The following KDM5D variants were observed in gnomAD, a reference collection of about 807,000 sequenced individuals.
KDM5D encodes lysine demethylase 5D, also known as lysine-specific demethylase 5D.
In KDM5D, 25 loss-of-function variants were observed where a neutral mutation model predicts 31.9. The observed-to-expected ratio is 0.78, with a 90% CI of 0.57 to 1.09. The LOEUF is 1.09. KDM5D is among the 50% of genes least tolerant of loss of function. KDM5D has a pLI of 0.00. For missense variants in KDM5D, 366 were observed against 341.6 expected (o/e 1.07, Z -0.56); for synonymous variants, 146 against 122.3 (o/e 1.19, Z -1.28).
chrY:19,742,151 G>T, intron 3 of KDM5D, among the ~76,000 whole-genome samples: 1 of 33,452 alleles, frequency 3.0e-5, no homozygotes, highest in Non-Finnish European at 7.4e-5. Flanking sequence ...GGCTCCAACA[G>T]TATTTAGACT....
intron 11 of KDM5D, chrY:19,723,428 T>C: frequency 1.1e-5 from 1 of 91,903 alleles, no homozygotes; most frequent in Non-Finnish European, 2.2e-5. Context: ...CAGTGAGACT[T>C]TGTCTCTAAA....
At chrY:19,722,084 A>C in intron 11 of KDM5D, 2 of 33,946 alleles carry the variant, frequency 5.9e-5, no homozygotes, top group African/African-American at 2.3e-4. Flanking sequence ...GAAACAAAAC[A>C]AACCAACAAA....
chrY:19,737,357 T>C (rs2045517954), intron 6 of KDM5D, among the ~76,000 whole-genome samples: 1 of 33,572 alleles, frequency 3.0e-5, no homozygotes, highest in Admixed American at 2.7e-4. Context: ...ACCAGTTATG[T>C]GAAAGGGATA....
At position 19,707,704 on chromosome Y, in the gene KDM5D, T is replaced by C. The variant is rs1244103713; in HGVS notation, c.3442A>G (p.Ile1148Val). 2.5e-6 allele frequency: 1 copy of C among 396,675 alleles called. No individual in the cohort carries two copies. The highest frequency in any genetic ancestry group is 3.5e-6 in the Non-Finnish European group (1 of 282,427). ...KEGEQKEKEG[I>V]LQLRRTNSAK... ...GAGTTGGTGCGACGCAGCTGCAGGA[T>C]ACCCTCCTTCTCCTTCTGTTCCCCT... The change falls in exon 24 of 27, where the codon ATC (isoleucine) becomes GTC (valine). Residue 1148 changes from isoleucine to valine, a missense_variant. Physicochemically the swap from Ile to Val is conservative, Grantham distance 29. Transcript: ENST00000317961.
Position 19,744,499 on chromosome Y carries a change from C to G in KDM5D, c.36G>C (p.Pro12=). 2.5e-6 allele frequency: 1 copy of G among 396,635 alleles called. No homozygotes were observed. Among genetic ancestry groups the G allele is most frequent in the Non-Finnish European group, 3.5e-6 (1 of 282,104 alleles). Reference sequence around the variant, plus strand: ...AGCTAGGCTCAAAAACCGGGCACTCCGGTGGCGGCAGGAACTCGTCACACC... The same window carrying G: ...AGCTAGGCTCAAAAACCGGGCACTCGGGTGGCGGCAGGAACTCGTCACACC... The part of the protein sequence containing the change: ...EPGCDEFLPP[P]ECPVFEPSWA... Residue 12 remains proline, a synonymous_variant, in exon 2 of 27, where the codon CCG becomes CCC. Transcript: ENST00000317961.
chrY:19,711,342 A>G, intron 18 of KDM5D, among the ~76,000 whole-genome samples: 1 of 33,384 alleles, frequency 3.0e-5, no homozygotes, highest in Non-Finnish European at 7.4e-5. Flanking sequence ...CCATGTTTTA[A>G]AGAGAGGCAG....
At chrY:19,741,290 G>A (rs780872247) in intron 5 of KDM5D, 28 bp downstream of exon 5, 2 of 374,312 alleles carry the variant, frequency 5.3e-6, no homozygotes, top group East Asian at 9.4e-5. Flanking sequence ...AATCACATCA[G>A]GCCACAAACC....
At position 19,708,853 on chromosome Y, in the gene KDM5D, A is replaced by G. The variant is rs775845393; in HGVS notation, c.3081+22T>C. On this transcript the variant is annotated intron_variant, in intron 21 of 26. Coordinates refer to ENST00000317961, the MANE Select transcript of KDM5D (RefSeq NM_004653.5). ...TTCTAACTGCTGGCCTGACGCAGTA[A>G]AGCAGAAATACTGATCCTCACTTGG... 4 of 393,279 alleles carry G rather than the reference A, an allele frequency of 1.0e-5. No homozygotes were observed. In the East Asian group the frequency reaches 3.7e-4, roughly 36 times the overall value.
chrY:19,706,240 G>A lies in KDM5D; in HGVS notation c.4375C>T (p.Gln1459Ter). ...DQGRNVENLV[Q>*]QELQSKRARS... ...GCCCTTTTTGACTGAAGCTCCTGTTGAACAAGATTCTCAACGTTTCTACCC... is the reference window on the plus strand; with the variant it reads ...GCCCTTTTTGACTGAAGCTCCTGTTAAACAAGATTCTCAACGTTTCTACCC... Residue 1459 changes from glutamine (Q) to a stop codon, truncating the protein, a stop_gained, in exon 27 of 27, where the codon CAA (glutamine) becomes TAA (stop). Transcript: ENST00000317961. LOFTEE classifies it high-confidence loss of function. 1 of 395,811 alleles carries A rather than the reference G, an allele frequency of 2.5e-6. No homozygotes were observed.
At chrY:19,724,266 G>T in intron 11 of KDM5D, among the ~76,000 whole-genome samples, 1 of 32,737 alleles carries the variant, frequency 3.1e-5, no homozygotes, top group African/African-American at 1.2e-4. Context: ...TTAATACCTG[G>T]GTGATAAAAT....
chrY:19,721,876 A>G (rs2124195984), intron 11 of KDM5D: 1 of 34,025 alleles, frequency 2.9e-5, no homozygotes, highest in African/African-American at 1.1e-4. Flanking sequence ...TGAAGAACAC[A>G]CAAAGAAATT....
chrY:19,715,138 C>CT (rs2045325148), intron 18 of KDM5D: 3 of 139,647 alleles, frequency 2.1e-5, no homozygotes, highest in Admixed American at 1.3e-4. Context: ...GTCTGTGCTT[C>CT]TTTTTTTTTG....
intron 11 of KDM5D, among the ~76,000 whole-genome samples, chrY:19,723,922 T>G: frequency 3.0e-5 from 1 of 33,434 alleles, no homozygotes; most frequent in African/African-American, 1.2e-4. Flanking sequence ...ATCCTGACAT[T>G]CACAATCTAC....
chrY:19,725,743 T>C (rs1603545908), intron 11 of KDM5D, among the ~76,000 whole-genome samples: 1 of 32,787 alleles, frequency 3.0e-5, no homozygotes, highest in African/African-American at 1.2e-4. Flanking sequence ...AAAGAAACTA[T>C]CATCAGGGTG....
chrY:19,730,830 A>C (rs2045467440), intron 11 of KDM5D, among the ~76,000 whole-genome samples: 1 of 33,695 alleles, frequency 3.0e-5, no homozygotes, highest in Non-Finnish European at 7.4e-5. Flanking sequence ...CAATGGTTTA[A>C]GTATCTGTGC....
intron 26 of KDM5D, 22 bp from the exon 27 acceptor site, chrY:19,706,367 G>A: frequency 2.6e-6 from 1 of 384,560 alleles, no homozygotes; most frequent in East Asian, 9.7e-5. Context: ...CCCACACAAG[G>A]CGAAAAACGT....
intron 5 of KDM5D, 124 bp downstream of exon 5, chrY:19,741,194 A>ATCT: frequency 5.7e-6 from 1 of 174,583 alleles, no homozygotes; most frequent in South Asian, 5.4e-5. Context: ...TTCCTGGAAC[A>ATCT]TCTTCACTCT....
chrY:19,706,212 C>T lies in KDM5D; in HGVS notation c.4403G>A (p.Arg1468Gln). ...CACCTGAGACATAATCCCTGAGCTCCGAGCCCTTTTTGACTGAAGCTCCTG... is the reference window on the plus strand; with the variant it reads ...CACCTGAGACATAATCCCTGAGCTCTGAGCCCTTTTTGACTGAAGCTCCTG... ...VQQELQSKRA[R>Q]SSGIMSQVGR... Residue 1468 changes from arginine to glutamine, a missense_variant, in exon 27 of 27, where the codon CGG becomes CAG. Coordinates refer to ENST00000317961, the MANE Select transcript of KDM5D (RefSeq NM_004653.5). 4 of 392,090 alleles carry T rather than the reference C, an allele frequency of 1.0e-5. No individual in the cohort carries two copies. The highest frequency in any genetic ancestry group is 1.4e-5 in the Non-Finnish European group (4 of 281,008).
At chrY:19,733,063 A>G (rs2045484405) in intron 8 of KDM5D, among the ~76,000 whole-genome samples, 1 of 33,756 alleles carries the variant, frequency 3.0e-5, no homozygotes, top group East Asian at 7.8e-4. Context: ...GTTGAACATA[A>G]AAAGGTCAAG....
Sources: gnomAD v4.1 joint callset for allele counts (sites outside exome capture counted in the v4.1 genomes callset) on GRCh38, gnomAD v4.1.1 for gene constraint, MANE v1.5 for transcripts, NCBI Gene and HGNC (gene_info 2026-07-23, HGNC 2026-07-21) for gene names.